The following HIPK2 variants were observed in gnomAD, a reference collection of about 807,000 sequenced individuals.
HIPK2 encodes the protein homeodomain interacting protein kinase 2, also known as homeodomain-interacting protein kinase 2.
In HIPK2, 27 loss-of-function variants were observed where a neutral mutation model predicts 113.7. That is an observed-to-expected ratio of 0.24 (90% CI 0.17 to 0.33). The LOEUF (loss-of-function observed/expected upper bound fraction) is 0.33, where lower values mean the gene tolerates loss of function less well. Ranked by LOEUF, HIPK2 falls within the 10% of genes least tolerant of loss-of-function variation. The pLI is 1.00. For missense variants in HIPK2, 1,257 were observed against 1,588.0 expected, an observed-to-expected ratio of 0.79 and a Z score of 3.54; for synonymous variants, 631 against 642.2, an observed-to-expected ratio of 0.98 and a Z score of 0.26.
rs1569433468 is a variant in HIPK2, at chr7:139,563,589, A to C, written c.*9338T>G. 2 of 376,566 alleles carry C rather than the reference A, an allele frequency of 5.3e-6. No homozygotes were observed. The highest frequency in any genetic ancestry group is 4.7e-6 in the Non-Finnish European group (1 of 213,078). 23.3% of individuals were successfully genotyped at this position (376,566 alleles called of 1,614,324 possible). ...TCTATGTTTTAAAAATATAAGCCCC[A>C]AAAACAATGACACAAAATTCATTTG... On this transcript the variant is annotated 3_prime_UTR_variant, in exon 15 of 15. Transcript: ENST00000406875.
chr7:139,670,755 CTTTCTTTTTTT>C (rs1438905661), intron 2 of HIPK2, among the ~76,000 whole-genome samples: 13 of 37,022 alleles, frequency 3.5e-4, no homozygotes, highest in African/African-American at 8.5e-4. Flanking sequence ...TTCTTTCTTT[CTTTCTTTTTTT>C]TTTTTTTTTT....
chr7:139,723,934 T>A (rs780286978), intron 1 of HIPK2, among the ~76,000 whole-genome samples: 3 of 152,044 alleles, frequency 2.0e-5, no homozygotes, highest in Non-Finnish European at 4.4e-5. Context: ...GGTACTAACT[T>A]CCTTACTTCC....
At chr7:139,711,087 C>T (rs373801374) in intron 2 of HIPK2, among the ~76,000 whole-genome samples, 3 of 151,744 alleles carry the variant, frequency 2.0e-5, no homozygotes, top group African/African-American at 7.3e-5. Flanking sequence ...CACCTAAAAC[C>T]ACCATGAAAT....
In HIPK2 at chr7:139,631,623, T is replaced by C; in HGVS notation, c.1206A>G (p.Pro402=). The C allele has an allele frequency of 1.2e-6, 2 of 1,613,970 alleles. No individual in the cohort carries two copies. The highest frequency in any genetic ancestry group is 1.7e-6 in the Non-Finnish European group (2 of 1,179,870). ...CCACCTGATCATACTCCGAAGCTCC[T>C]GGATATAACGGCCAACCCAGGAACA... ...AELFLGWPLY[P]GASEYDQIRY... is the part of the protein sequence containing the mutation. The change falls in exon 3 of 15, where the codon CCA becomes CCG. Residue 402 remains proline, a synonymous_variant. Coordinates refer to ENST00000406875, the MANE Select transcript of HIPK2 (RefSeq NM_022740.5). The surrounding 1 kb of genome is among the most constrained non-coding windows in gnomAD (Gnocchi z 4.9).
intron 2 of HIPK2, among the ~76,000 whole-genome samples, chr7:139,638,631 C>T (rs1400300165): frequency 2.0e-5 from 3 of 150,730 alleles, no homozygotes; most frequent in African/African-American, 4.9e-5. Context: ...CATTCTTGTT[C>T]TGGAGAAAGA....
Position 139,750,477 on chromosome 7 carries a change from C to T in HIPK2, c.19+27128G>A, listed in dbSNP as rs148557407. On this transcript the variant is annotated intron_variant, in intron 1 of 14. Transcript: ENST00000406875. ...TCATAAATATACAGATATATTTACA[C>T]ACATAGGCACACACATGCGTGAACA... Among the ~76,000 whole-genome samples the T allele has an allele frequency of 9.9e-5, 15 of 152,158 alleles. No individual in the cohort carries two copies. In the East Asian group the frequency reaches 2.7e-3, roughly 27 times the overall value.
chr7:139,734,609 C>T (rs1795887041), intron 1 of HIPK2, among the ~76,000 whole-genome samples: 1 of 152,224 alleles, frequency 6.6e-6, no homozygotes, highest in African/African-American at 2.4e-5. Context: ...GTTCTGACAT[C>T]ATGATAACCA....
At chr7:139,755,523 A>G (rs1470292474) in intron 1 of HIPK2, among the ~76,000 whole-genome samples, 1 of 152,250 alleles carries the variant, frequency 6.6e-6, no homozygotes, top group Non-Finnish European at 1.5e-5. Context: ...GAAGAGAAAC[A>G]AGGTCTCCTG....
intron 6 of HIPK2, among the ~76,000 whole-genome samples, chr7:139,623,174 C>T (rs998035505): frequency 1.2e-4 from 18 of 152,020 alleles, no homozygotes; most frequent in Non-Finnish European, 2.1e-4. Context: ...TCTTGTGGTA[C>T]AGATGGACAG....
chr7:139,638,450 T>A (rs1800886225), intron 2 of HIPK2, among the ~76,000 whole-genome samples: 1 of 152,066 alleles, frequency 6.6e-6, no homozygotes, highest in South Asian at 2.1e-4. Flanking sequence ...ATTGGTCCAA[T>A]AAATACTAAC....
chr7:139,741,080 G>A (rs1796086703), intron 1 of HIPK2, among the ~76,000 whole-genome samples: 1 of 152,200 alleles, frequency 6.6e-6, no homozygotes, highest in African/African-American at 2.4e-5. Flanking sequence ...CCTGGAGGCA[G>A]AGGCTGCAGT....
At chr7:139,727,196 T>A (rs1291241628) in intron 1 of HIPK2, among the ~76,000 whole-genome samples, 1 of 152,072 alleles carries the variant, frequency 6.6e-6, no homozygotes, top group Non-Finnish European at 1.5e-5. Flanking sequence ...CATTGTCAAA[T>A]AGTATGAGGA....
At chr7:139,744,999 C>T (rs894752329) in intron 1 of HIPK2, among the ~76,000 whole-genome samples, 2 of 152,240 alleles carry the variant, frequency 1.3e-5, no homozygotes, top group African/African-American at 4.8e-5. Context: ...AGGCACTGTA[C>T]TGACCTGTCC....
At chr7:139,653,529 A>T (rs1310186324) in intron 2 of HIPK2, among the ~76,000 whole-genome samples, 1 of 151,596 alleles carries the variant, frequency 6.6e-6, no homozygotes, top group African/African-American at 2.4e-5. Flanking sequence ...TGTTACAGAC[A>T]TGCCATTGAG....
At chr7:139,601,665 A>G (rs1225397994) in intron 10 of HIPK2, among the ~76,000 whole-genome samples, 2 of 152,230 alleles carry the variant, frequency 1.3e-5, no homozygotes. Flanking sequence ...ATGTTTCACA[A>G]TTCTTATAAT....
chr7:139,735,386 T>A (rs1230294607), intron 1 of HIPK2, among the ~76,000 whole-genome samples: 3 of 152,214 alleles, frequency 2.0e-5, no homozygotes, highest in Admixed American at 6.5e-5. Context: ...ATCAGCCTTT[T>A]ATAGAATTAG....
chr7:139,639,895 A>G (rs116143935), intron 2 of HIPK2, among the ~76,000 whole-genome samples: 4,152 of 152,024 alleles, frequency 0.027, 191 homozygotes, highest in African/African-American at 0.095. Context: ...CAGAGTTTAC[A>G]TGGTTTTTTG....
At chr7:139,720,709 G>A (rs190407423) in intron 1 of HIPK2, among the ~76,000 whole-genome samples, 47 of 152,318 alleles carry the variant, frequency 3.1e-4, no homozygotes, top group Admixed American at 2.6e-4. Flanking sequence ...CCACTGAAGA[G>A]TCAAAGCAAA....
chr7:139,636,894 G>GA (rs2116336851), intron 2 of HIPK2, among the ~76,000 whole-genome samples: 1 of 152,274 alleles, frequency 6.6e-6, no homozygotes, highest in African/African-American at 2.4e-5. Flanking sequence ...ATTGCCTCTG[G>GA]AATGTCTCAT....
Sources: gnomAD v4.1 joint callset for allele counts (sites outside exome capture counted in the v4.1 genomes callset) on GRCh38, gnomAD v4.1.1 for gene constraint, Gnocchi (gnomAD v3.1) non-coding constraint, MANE v1.5 for transcripts, NCBI Gene and HGNC (gene_info 2026-07-23, HGNC 2026-07-21) for gene names.